Variants in KDM2B observed in about 807,000 individuals in gnomAD.
KDM2B encodes lysine-specific demethylase 2B.
In KDM2B, 26 loss-of-function variants were observed where a neutral mutation model predicts 150.0. The observed-to-expected ratio is 0.17, with a 90% confidence interval of 0.13 to 0.24. The LOEUF (loss-of-function observed/expected upper bound fraction) is 0.24, where lower values mean the gene tolerates loss of function less well. KDM2B is among the 10% of genes least tolerant of loss of function. KDM2B has a pLI of 1.00. For missense variants in KDM2B, 1,265 were observed against 1,816.9 expected, an observed-to-expected ratio of 0.70 and a Z score of 5.52; for synonymous variants, 734 against 729.5, an observed-to-expected ratio of 1.01 and a Z score of -0.10.
At position 121,467,573 on chromosome 12, in the gene KDM2B, CG is replaced by C. The variant is rs1333999652; in HGVS notation, c.1735-14230del. On this transcript the variant is annotated intron_variant, in intron 12 of 22. Coordinates refer to ENST00000377071, the MANE Select transcript of KDM2B (RefSeq NM_032590.5). This position sits in a 1 kb window ranked among gnomAD's most constrained non-coding sequence, Gnocchi z 5.1. ...AGGGCGGTCCCTCGCGGCCGGAGCGCGGGGACTGGGGCTGCGTGGGGGCGTG... is the reference window on the plus strand; with the variant it reads ...AGGGCGGTCCCTCGCGGCCGGAGCGCGGGACTGGGGCTGCGTGGGGGCGTG... The C allele has an allele frequency of 6.7e-6, 1 of 149,906 alleles. No individual in the cohort carries two copies. The highest frequency in any genetic ancestry group is 6.7e-5 in the Admixed American group (1 of 14,924). The allele number at this position is 149,906 out of a possible 1,614,324, so 9.3% of individuals were successfully genotyped here. A position where few individuals can be genotyped will look rare whatever the true frequency, so the allele number is the denominator to read the frequency against.
chr12:121,512,620 G>T (rs1048192371), intron 10 of KDM2B, among the ~76,000 whole-genome samples: 1 of 152,114 alleles, frequency 6.6e-6, no homozygotes, highest in Non-Finnish European at 1.5e-5. Flanking sequence ...GAGGAATCAC[G>T]TTCTTCCTCT....
chr12:121,497,171 C>T (rs1884055173), intron 11 of KDM2B, among the ~76,000 whole-genome samples: 1 of 152,156 alleles, frequency 6.6e-6, no homozygotes, highest in Non-Finnish European at 1.5e-5. Context: ...CATACAGCTT[C>T]CCCAAAGTCC....
At position 121,467,800 on chromosome 12, in the gene KDM2B, C is replaced by T. The variant is rs1224038692; in HGVS notation, c.1735-14456G>A. 1 of 152,252 alleles carries T rather than the reference C, an allele frequency of 6.6e-6. No homozygotes were observed. The highest frequency in any genetic ancestry group is 1.9e-4 in the East Asian group (1 of 5,178). The allele number at this position is 152,252 out of a possible 1,614,324, so 9.4% of individuals were successfully genotyped here. ...TGCACCCGACGCCAGGAGCGGGTCC[C>T]CAGGTCCCTTGCAGCAGGCACACGG... is the stretch of plus-strand genomic sequence containing the variant. On this transcript the variant is annotated intron_variant, in intron 12 of 22. Coordinates refer to ENST00000377071, the MANE Select transcript of KDM2B (RefSeq NM_032590.5). The surrounding 1 kb of genome is among the most constrained non-coding windows in gnomAD (Gnocchi z 5.1).
At chr12:121,432,386 T>C (rs1555285785) in intron 22 of KDM2B, among the ~76,000 whole-genome samples, 1 of 152,156 alleles carries the variant, frequency 6.6e-6, no homozygotes, top group African/African-American at 2.4e-5. Context: ...AGAATAGGGA[T>C]TTTACTAATA....
chr12:121,434,573 A>G (rs1873652130), intron 22 of KDM2B, among the ~76,000 whole-genome samples: 1 of 151,998 alleles, frequency 6.6e-6, no homozygotes, highest in Non-Finnish European at 1.5e-5. Flanking sequence ...GTGATTTTTG[A>G]AAAGGGTGCT....
At chr12:121,479,723 G>A (rs1212344947) in intron 12 of KDM2B, among the ~76,000 whole-genome samples, 1 of 152,006 alleles carries the variant, frequency 6.6e-6, no homozygotes, top group Non-Finnish European at 1.5e-5. Flanking sequence ...CCAAGTTCAA[G>A]CAATTCTCCT....
intron 12 of KDM2B, among the ~76,000 whole-genome samples, chr12:121,492,700 G>A (rs376213058): frequency 1.3e-5 from 2 of 151,048 alleles, no homozygotes; most frequent in African/African-American, 4.9e-5. Flanking sequence ...ATGGTGGCGG[G>A]TGCCTGTAAT....
intron 21 of KDM2B, 49 bp downstream of exon 21, chr12:121,440,767 C>G (rs781906015): frequency 3.9e-6 from 6 of 1,540,032 alleles, no homozygotes; most frequent in Non-Finnish European, 5.3e-6. Context: ...ATCCAACAGT[C>G]TAGCTCGCTC....
At position 121,467,321 on chromosome 12, in the gene KDM2B, C is replaced by T. The variant is rs1177938162; in HGVS notation, c.1735-13977G>A. On this transcript the variant is annotated intron_variant, in intron 12 of 22. Coordinates refer to ENST00000377071, the MANE Select transcript of KDM2B (RefSeq NM_032590.5). The surrounding 1 kb of genome is among the most constrained non-coding windows in gnomAD (Gnocchi z 5.1). Reference sequence around the variant, plus strand: ...GCCCTGGCTCGGGCTCGGGCTCGGGCTCGGGCTCCCGCTGCCGCGAGGAGG... The same window carrying T: ...GCCCTGGCTCGGGCTCGGGCTCGGGTTCGGGCTCCCGCTGCCGCGAGGAGG... 126 of 982,774 alleles carry T rather than the reference C, an allele frequency of 1.3e-4. No homozygotes were observed. The highest frequency in any genetic ancestry group is 1.4e-4 in the Non-Finnish European group (119 of 829,136). 60.9% of individuals were successfully genotyped at this position (982,774 alleles called of 1,614,324 possible).
At chr12:121,471,084 A>G (rs1555295856) in intron 12 of KDM2B, among the ~76,000 whole-genome samples, 1 of 152,228 alleles carries the variant, frequency 6.6e-6, no homozygotes, top group Non-Finnish European at 1.5e-5. Context: ...GTTTTGTATT[A>G]ATAGTGTGCT....
chr12:121,438,788 G>C (rs1248499218), intron 22 of KDM2B, among the ~76,000 whole-genome samples: 3 of 151,574 alleles, frequency 2.0e-5, no homozygotes, highest in African/African-American at 4.9e-5. Flanking sequence ...AATGTAATTT[G>C]ATGAGATGGG....
intron 8 of KDM2B, among the ~76,000 whole-genome samples, chr12:121,530,975 G>A (rs1294628458): frequency 6.6e-6 from 1 of 152,078 alleles, no homozygotes. Context: ...GCAGAGAGAG[G>A]AAGAGACCAG....
At chr12:121,565,675 A>G (rs1190567105) in intron 4 of KDM2B, among the ~76,000 whole-genome samples, 1 of 151,720 alleles carries the variant, frequency 6.6e-6, no homozygotes, top group Non-Finnish European at 1.5e-5. Context: ...CCCAGGCTGG[A>G]GTGCAGTGGC....
chr12:121,465,285 T>C (rs1367156886), intron 12 of KDM2B, among the ~76,000 whole-genome samples: 1 of 152,216 alleles, frequency 6.6e-6, no homozygotes, highest in Non-Finnish European at 1.5e-5. Flanking sequence ...TGGAGTGCAG[T>C]GGCACGATCT....
chr12:121,567,603 G>A (rs1305432845), intron 4 of KDM2B, among the ~76,000 whole-genome samples: 2 of 151,554 alleles, frequency 1.3e-5, no homozygotes, highest in African/African-American at 4.9e-5. Flanking sequence ...GCAGGGAGAA[G>A]ACAGCCAACT....
chr12:121,472,527 C>T (rs1880877541), intron 12 of KDM2B, among the ~76,000 whole-genome samples: 3 of 152,204 alleles, frequency 2.0e-5, no homozygotes, highest in Admixed American at 2.0e-4. Flanking sequence ...TATAAATAGA[C>T]TCTAAATAGA....
rs144808051 is a variant in KDM2B, at chr12:121,509,093, C to T, written c.1647+474G>A. Among the ~76,000 whole-genome samples, 248 of 152,270 alleles carry T rather than the reference C, an allele frequency of 1.6e-3. 1 individual carries two copies. Among genetic ancestry groups the T allele is most frequent in the South Asian group, 0.011 (54 of 4,814 alleles). On this transcript the variant is annotated intron_variant, in intron 11 of 22. Transcript: ENST00000377071. Reference sequence around the variant, plus strand: ...TGTTTTTTTGAGACAGAGTCTTGCTCTGTTGCCCAGGCTGGAGTGCAGTGG... The same window carrying T: ...TGTTTTTTTGAGACAGAGTCTTGCTTTGTTGCCCAGGCTGGAGTGCAGTGG...
chr12:121,553,059 C>T (rs1555312076), intron 4 of KDM2B, among the ~76,000 whole-genome samples: 1 of 151,848 alleles, frequency 6.6e-6, no homozygotes, highest in South Asian at 2.1e-4. Flanking sequence ...GGTGAAACCC[C>T]GAGAATACTA....
At chr12:121,514,272 C>T (rs1885844249) in intron 9 of KDM2B, among the ~76,000 whole-genome samples, 1 of 152,094 alleles carries the variant, frequency 6.6e-6, no homozygotes, top group Non-Finnish European at 1.5e-5. Flanking sequence ...CGCACCACCA[C>T]GCCTGGCTGG....
Sources: allele counts gnomAD v4.1 joint callset (sites outside exome capture counted in the v4.1 genomes callset), GRCh38; gene constraint gnomAD v4.1.1; non-coding constraint Gnocchi (gnomAD v3.1); transcripts MANE v1.5; gene names NCBI Gene and HGNC (gene_info 2026-07-23, HGNC 2026-07-21).